Variants in SDK1 observed in about 807,000 individuals in gnomAD.
SDK1 encodes protein sidekick-1.
In SDK1, 157 loss-of-function variants were observed where a neutral mutation model predicts 245.5. The observed-to-expected ratio is 0.64, with a 90% CI of 0.56 to 0.73. The LOEUF (loss-of-function observed/expected upper bound fraction) is 0.73, where lower values mean the gene tolerates loss of function less well. Ranked by LOEUF, SDK1 falls within the 30% of genes least tolerant of loss-of-function variation. SDK1 has a pLI of 0.00. For synonymous variants in SDK1, 1,647 were observed against 1,278.5 expected (o/e 1.29, Z -6.15); for missense variants, 3,583 against 3,002.3 (o/e 1.19, Z -4.52).
intron 28 of SDK1, among the ~76,000 whole-genome samples, chr7:4,141,181 C>T (rs1779561574): frequency 6.6e-6 from 1 of 152,204 alleles, no homozygotes; most frequent in African/African-American, 2.4e-5. Flanking sequence ...AGTGCATAAC[C>T]ACATGATGGA....
intron 1 of SDK1, among the ~76,000 whole-genome samples, chr7:3,514,107 GAA>G (rs1157075635): frequency 6.6e-6 from 1 of 152,158 alleles, no homozygotes; most frequent in African/African-American, 2.4e-5. Context: ...AGTAAGGAAA[GAA>G]GAGAGGGACG....
Position 3,560,927 on chromosome 7 carries a change from A to G in SDK1, c.299-58153A>G, listed in dbSNP as rs560695033. ...TTGAGTCTTTTCTCAAAACATTTCA[A>G]TGAGGTCATCCCCATTCATTCCACC... On this transcript the variant is annotated intron_variant, in intron 1 of 44. Coordinates refer to ENST00000404826, the MANE Select transcript of SDK1 (RefSeq NM_152744.4). Among the ~76,000 whole-genome samples the G allele has an allele frequency of 2.6e-5, 4 of 152,274 alleles. 1 individual carries two copies. The highest frequency in any genetic ancestry group is 7.2e-5 in the African/African-American group (3 of 41,552).
intron 4 of SDK1, among the ~76,000 whole-genome samples, chr7:3,815,929 A>AACTCAG (rs2115053279): frequency 1.5e-5 from 2 of 135,802 alleles, no homozygotes; most frequent in South Asian, 4.8e-4. Flanking sequence ...CTAGAACTCA[A>AACTCAG]GATTAAGAAT....
At chr7:3,739,600 T>C (rs28750523) in intron 4 of SDK1, among the ~76,000 whole-genome samples, 6,881 of 152,294 alleles carry the variant, frequency 0.045, 510 homozygotes, top group African/African-American at 0.16. Context: ...TTATTTTACC[T>C]TTTAACCAAA....
chr7:4,224,852 A>G (rs1398201710), intron 40 of SDK1, among the ~76,000 whole-genome samples: 2 of 151,688 alleles, frequency 1.3e-5, no homozygotes, highest in Non-Finnish European at 2.9e-5. Flanking sequence ...GTGTGGTGGC[A>G]TGCACCTATA....
intron 4 of SDK1, among the ~76,000 whole-genome samples, chr7:3,807,765 A>AGGCTGGGT (rs1779287498): frequency 6.6e-6 from 1 of 152,122 alleles, no homozygotes; most frequent in Non-Finnish European, 1.5e-5. Context: ...ACAGGCTGGG[A>AGGCTGGGT]GGCTGGGTTA....
chr7:3,407,743 T>C (rs1193838082), intron 1 of SDK1, among the ~76,000 whole-genome samples: 1 of 152,212 alleles, frequency 6.6e-6, no homozygotes, highest in African/African-American at 2.4e-5. Context: ...CAGGTACTGT[T>C]CTAGGCATTG....
chr7:3,551,677 G>A (rs1040718926), intron 1 of SDK1, among the ~76,000 whole-genome samples: 1 of 151,770 alleles, frequency 6.6e-6, no homozygotes, highest in Non-Finnish European at 1.5e-5. Flanking sequence ...CAGAAAACTT[G>A]TAAAGTTACT....
intron 35 of SDK1, among the ~76,000 whole-genome samples, chr7:4,186,557 C>G (rs75381387): frequency 1.3e-5 from 2 of 152,224 alleles, no homozygotes; most frequent in East Asian, 3.9e-4. Flanking sequence ...TCCCCACCTG[C>G]TGAGCCCTGC....
chr7:3,989,753 T>G (rs947534912), intron 14 of SDK1, among the ~76,000 whole-genome samples: 1 of 152,192 alleles, frequency 6.6e-6, no homozygotes, highest in Admixed American at 6.5e-5. Flanking sequence ...CCCCCAGCAA[T>G]TATTGAGATA....
chr7:3,398,575 T>C (rs1311173754), intron 1 of SDK1, among the ~76,000 whole-genome samples: 1 of 152,064 alleles, frequency 6.6e-6, no homozygotes, highest in Non-Finnish European at 1.5e-5. Flanking sequence ...TTCAAAATAC[T>C]TTTCCCCAGA....
chr7:3,417,206 C>T (rs575835748), intron 1 of SDK1, among the ~76,000 whole-genome samples: 1 of 152,160 alleles, frequency 6.6e-6, no homozygotes, highest in East Asian at 1.9e-4. Flanking sequence ...ACTAGCGAGC[C>T]CTACAGCTGC....
chr7:3,612,139 G>A (rs531514747), intron 1 of SDK1, among the ~76,000 whole-genome samples: 2 of 152,242 alleles, frequency 1.3e-5, no homozygotes, highest in East Asian at 3.9e-4. Context: ...TGGGTACAGT[G>A]TACACTGCTC....
At chr7:3,608,249 A>G (rs900719923) in intron 1 of SDK1, among the ~76,000 whole-genome samples, 1 of 152,190 alleles carries the variant, frequency 6.6e-6, no homozygotes, top group Non-Finnish European at 1.5e-5. Context: ...CGAAATGTGA[A>G]TTACATATAA....
At chr7:4,040,393 T>C (rs1788536999) in intron 17 of SDK1, among the ~76,000 whole-genome samples, 1 of 152,108 alleles carries the variant, frequency 6.6e-6, no homozygotes, top group Admixed American at 6.6e-5. Context: ...ACAACCTACT[T>C]ACACACAAGT....
At chr7:4,115,434 C>A (rs1362361772) in intron 25 of SDK1, among the ~76,000 whole-genome samples, 1 of 152,208 alleles carries the variant, frequency 6.6e-6, no homozygotes, top group Non-Finnish European at 1.5e-5. Context: ...CCCACTCCTT[C>A]CCCCAGGGAG....
chr7:3,668,977 G>A (rs1228137650), intron 4 of SDK1, among the ~76,000 whole-genome samples: 2 of 152,132 alleles, frequency 1.3e-5, no homozygotes, highest in African/African-American at 4.8e-5. Context: ...GTCTGGTAAG[G>A]AATGTTGCTG....
chr7:3,811,976 T>A (rs1203127075), intron 4 of SDK1, among the ~76,000 whole-genome samples: 3 of 152,226 alleles, frequency 2.0e-5, no homozygotes, highest in African/African-American at 7.2e-5. Flanking sequence ...TATCTACTTT[T>A]CCTCTAAAAC....
intron 5 of SDK1, among the ~76,000 whole-genome samples, chr7:3,908,245 T>G (rs977477149): frequency 6.6e-6 from 1 of 152,152 alleles, no homozygotes; most frequent in African/African-American, 2.4e-5. Context: ...CGCGTTGGGC[T>G]GCAAACAGTG....
Sources: gnomAD v4.1 joint callset for allele counts (sites outside exome capture counted in the v4.1 genomes callset) on GRCh38, gnomAD v4.1.1 for gene constraint, MANE v1.5 for transcripts, NCBI Gene and HGNC (gene_info 2026-07-23, HGNC 2026-07-21) for gene names.